The following GJB6 variants were observed in gnomAD, a reference collection of about 807,000 sequenced individuals.
GJB6 encodes the protein gap junction beta-6 protein.
A neutral mutation model predicts 5.4 loss-of-function variants in GJB6; 5 were observed. The ratio of observed to expected loss-of-function variants is 0.92; its 90% CI spans 0.48 to 1.93. The LOEUF (loss-of-function observed/expected upper bound fraction) is 1.93. Among genes scored for constraint, GJB6 ranks in the 30% most tolerant of loss-of-function variants. GJB6 has a pLI of 0.01. For synonymous variants in GJB6, 136 were observed against 129.6 expected (o/e 1.05, Z -0.34); for missense variants, 298 against 326.9 (o/e 0.91, Z 0.68).
At chr13:20,226,228 G>A (rs528907546) in intron 4 of GJB6, among the ~76,000 whole-genome samples, 25 of 151,886 alleles carry the variant, frequency 1.6e-4, no homozygotes, top group South Asian at 1.3e-3. Flanking sequence ...CAATGCCTGC[G>A]TGGATCTAGG....
intron 4 of GJB6, 120 bp from the exon 5 acceptor site, chr13:20,223,615 C>A: frequency 1.3e-6 from 1 of 790,260 alleles, no homozygotes; most frequent in Non-Finnish European, 2.2e-6. Context: ...TTTACAACTT[C>A]AACTCCCTGC....
Position 20,228,764 on chromosome 13 carries a change from A to T in GJB6, c.-16+816T>A, listed in dbSNP as rs139007640. Reference sequence around the variant, plus strand: ...CTCCCAAAGTGCTGGGATTACAAGCATGAGCCACCGCGCCCGGCCCATGCT... The same window carrying T: ...CTCCCAAAGTGCTGGGATTACAAGCTTGAGCCACCGCGCCCGGCCCATGCT... On this transcript the variant is annotated intron_variant, in intron 4 of 4. Transcript: ENST00000647029. Among the ~76,000 whole-genome samples the T allele has an allele frequency of 6.6e-5, 10 of 152,084 alleles. No individual in the cohort carries two copies. In the East Asian group the frequency reaches 7.8e-4, roughly 12 times the overall value.
intron 4 of GJB6, among the ~76,000 whole-genome samples, chr13:20,223,969 GA>G (rs751899723): frequency 0.033 from 4,781 of 145,524 alleles, 119 homozygotes; most frequent in African/African-American, 0.078. Flanking sequence ...ACTCTGTCTC[GA>G]AAAAAAAAAA....
intron 4 of GJB6, among the ~76,000 whole-genome samples, chr13:20,224,964 T>A (rs896374844): frequency 1.3e-5 from 2 of 152,188 alleles, no homozygotes; most frequent in African/African-American, 4.8e-5. Flanking sequence ...TTACGCTGGC[T>A]GCTCTTGGAA....
intron 4 of GJB6, among the ~76,000 whole-genome samples, chr13:20,226,166 A>G (rs2137342156): frequency 6.6e-6 from 1 of 152,266 alleles, no homozygotes; most frequent in Middle Eastern, 3.4e-3. Context: ...CACTAGCTTG[A>G]GGAAGACGCT....
At chr13:20,226,174 G>A in intron 4 of GJB6, among the ~76,000 whole-genome samples, 1 of 152,088 alleles carries the variant, frequency 6.6e-6, no homozygotes, top group East Asian at 1.9e-4. Flanking sequence ...TGAGGAAGAC[G>A]CTGAGGCACA....
In GJB6 at chr13:20,222,928, G is replaced by T. The variant is rs765775497; in HGVS notation, c.553C>A (p.Pro185Thr). The T allele has an allele frequency of 6.2e-7, 1 of 1,613,968 alleles. No homozygotes were observed. The highest frequency in any genetic ancestry group is 8.5e-7 in the Non-Finnish European group (1 of 1,179,908). ...PNLVDCFISR[P>T]TEKTVFTIFM... ...ATGGTAAACACGGTCTTCTCTGTTG[G>T]CCTAGAAATAAAGCAGTCAACAAGG... Residue 185 changes from proline to threonine, a missense_variant, in exon 5 of 5, where the codon CCA becomes ACA. Pro to Thr is a conservative substitution (Grantham distance 38). Coordinates refer to ENST00000647029, the MANE Select transcript of GJB6 (RefSeq NM_001110219.3).
rs376714010 is a variant in GJB6 at position 20,228,595 on chromosome 13, C to T, written c.-16+985G>A. Among the ~76,000 whole-genome samples, 480 of 148,842 alleles carry T rather than the reference C, an allele frequency of 3.2e-3. 4 individuals are homozygous for T. Among genetic ancestry groups the T allele is most frequent in the East Asian group, 6.4e-3 (33 of 5,124 alleles). On this transcript the variant is annotated intron_variant, in intron 4 of 4. Transcript: ENST00000647029. Reference sequence around the variant, plus strand: ...GCCTCCCGGGTTCACGCCGTTCTCCCGCCTCAGCCTCTCTGAGCAGCTGGG... The same window carrying T: ...GCCTCCCGGGTTCACGCCGTTCTCCTGCCTCAGCCTCTCTGAGCAGCTGGG...
chr13:20,225,951 C>T (rs922091310), intron 4 of GJB6, among the ~76,000 whole-genome samples: 3 of 152,110 alleles, frequency 2.0e-5, no homozygotes, highest in Non-Finnish European at 2.9e-5. Flanking sequence ...GGGACATCAG[C>T]GCCACAGCAC....
chr13:20,229,315 ATTTTTTTTTTTTTTT>A (rs60451416), intron 4 of GJB6, among the ~76,000 whole-genome samples: 6 of 55,272 alleles, frequency 1.1e-4, no homozygotes, highest in Non-Finnish European at 1.7e-4. Context: ...TACCTGGTTA[ATTTTTTTTTTTTTTT>A]TTTTTTTTTT....
chr13:20,224,033 C>G (rs963347011), intron 4 of GJB6, among the ~76,000 whole-genome samples: 1 of 152,090 alleles, frequency 6.6e-6, no homozygotes, highest in African/African-American at 2.4e-5. Context: ...TTAGGATCAT[C>G]TTGATTCAAC....
At chr13:20,228,688 G>GCA (rs1869806657) in intron 4 of GJB6, among the ~76,000 whole-genome samples, 1 of 35,950 alleles carries the variant, frequency 2.8e-5, no homozygotes, top group African/African-American at 4.9e-5. Context: ...GTTTCACCGT[G>GCA]TTAGCCAGGA....
chr13:20,223,363 C>T lies in GJB6; in HGVS notation c.118G>A (p.Ala40Thr). ...TGCTCGTCACCCCACACTTCCTGGG[C>T]AGCCACCACGAGGATCATGACTCGG... ...IFRVMILVVAAQEVWGDEQED... is the reference protein window; with the variant it reads ...IFRVMILVVATQEVWGDEQED... The change falls in exon 5 of 5, where the codon GCC (alanine) becomes ACC (threonine). Residue 40 changes from alanine (A) to threonine (T), a missense_variant. Physicochemically the swap from Ala to Thr is moderately conservative, Grantham distance 58. Transcript: ENST00000647029. The T allele has an allele frequency of 6.2e-7, 1 of 1,614,138 alleles. No homozygotes were observed. Among genetic ancestry groups the T allele is most frequent in the Non-Finnish European group, 8.5e-7 (1 of 1,179,994 alleles).
chr13:20,225,528 A>G (rs1165956515), intron 4 of GJB6: 3 of 152,176 alleles, frequency 2.0e-5, no homozygotes, highest in Non-Finnish European at 4.4e-5. Flanking sequence ...CAAGTCTCTT[A>G]GGTATCTAGA....
At chr13:20,223,580 T>C in intron 4 of GJB6, 85 bp from the exon 5 acceptor site, 2 of 1,049,356 alleles carry the variant, frequency 1.9e-6, no homozygotes, top group Non-Finnish European at 3.0e-6. Context: ...TGAAGCCAAC[T>C]TTATTTTAAG....
chr13:20,230,286 G>GTTA (rs1566543405), intron 3 of GJB6, among the ~76,000 whole-genome samples: 1 of 152,118 alleles, frequency 6.6e-6, no homozygotes, highest in Non-Finnish European at 1.5e-5. Context: ...AAAATGAAAC[G>GTTA]TTTCTGTCTG....
At chr13:20,225,930 T>G (rs114704027) in intron 4 of GJB6, among the ~76,000 whole-genome samples, 2 of 152,128 alleles carry the variant, frequency 1.3e-5, no homozygotes, top group African/African-American at 4.8e-5. Flanking sequence ...AGGAGGAACA[T>G]CCTTATCAGC....
At chr13:20,227,212 C>A (rs184691122) in intron 4 of GJB6, among the ~76,000 whole-genome samples, 10 of 152,226 alleles carry the variant, frequency 6.6e-5, no homozygotes, top group Admixed American at 2.6e-4. Flanking sequence ...GGTCCCCAAG[C>A]CACACGGTCT....
intron 4 of GJB6, among the ~76,000 whole-genome samples, chr13:20,223,959 A>C (rs1445390921): frequency 6.6e-6 from 1 of 151,068 alleles, no homozygotes; most frequent in Non-Finnish European, 1.5e-5. Flanking sequence ...ACAGAGCGAG[A>C]CTCTGTCTCG....
Sources: allele counts gnomAD v4.1 joint callset (sites outside exome capture counted in the v4.1 genomes callset), GRCh38; gene constraint gnomAD v4.1.1; transcripts MANE v1.5; gene names NCBI Gene and HGNC (gene_info 2026-07-23, HGNC 2026-07-21).